Variants in OLFM3 observed in about 807,000 individuals in gnomAD.
OLFM3 encodes the protein noelin-3.
A neutral mutation model predicts 48.6 loss-of-function variants in OLFM3; 20 were observed. That is an observed-to-expected ratio of 0.41 (90% confidence interval 0.29 to 0.60). The LOEUF (loss-of-function observed/expected upper bound fraction) is 0.60, where lower values mean the gene tolerates loss of function less well. OLFM3 is among the 20% of genes least tolerant of loss of function. The pLI, the probability that OLFM3 is intolerant of heterozygous loss-of-function variation, is 0.28. For synonymous variants in OLFM3, 222 were observed against 198.1 expected (o/e 1.12, Z -1.01); for missense variants, 437 against 544.3 (o/e 0.80, Z 1.96).
intron 1 of OLFM3, among the ~76,000 whole-genome samples, chr1:101,882,305 T>C (rs907482140): frequency 6.9e-6 from 1 of 145,078 alleles, no homozygotes; most frequent in Non-Finnish European, 1.5e-5. Context: ...TTTCTACCCT[T>C]AATATAAGTG....
At chr1:101,900,001 G>A (rs1658339247) in intron 1 of OLFM3, among the ~76,000 whole-genome samples, 1 of 152,150 alleles carries the variant, frequency 6.6e-6, no homozygotes, top group Non-Finnish European at 1.5e-5. Flanking sequence ...AGGTAAGGTA[G>A]TGGAAGTTGA....
chr1:101,843,145 T>C (rs915477872), intron 1 of OLFM3, among the ~76,000 whole-genome samples: 8 of 152,212 alleles, frequency 5.3e-5, no homozygotes, highest in Admixed American at 3.9e-4. Context: ...TCTACTCATT[T>C]TATAGAACTT....
intron 1 of OLFM3, among the ~76,000 whole-genome samples, chr1:101,896,732 C>T (rs543395429): frequency 3.4e-5 from 5 of 146,330 alleles, no homozygotes; most frequent in African/African-American, 7.6e-5. Flanking sequence ...GATCTCCTGA[C>T]CTTGTGATCC....
chr1:101,820,725 C>T (rs530721768), intron 4 of OLFM3, among the ~76,000 whole-genome samples: 1 of 152,138 alleles, frequency 6.6e-6, no homozygotes, highest in East Asian at 1.9e-4. Flanking sequence ...CTAGATTTTG[C>T]AGGCAATAAG....
chr1:101,828,952 G>A (rs557281686), intron 3 of OLFM3, among the ~76,000 whole-genome samples: 2 of 152,240 alleles, frequency 1.3e-5, no homozygotes, highest in East Asian at 1.9e-4. Context: ...ATTTAATAGT[G>A]GAGGGGTAGG....
chr1:101,810,551 A>C (rs971095497), intron 4 of OLFM3, among the ~76,000 whole-genome samples: 29 of 152,112 alleles, frequency 1.9e-4, no homozygotes, highest in African/African-American at 7.0e-4. Context: ...TAATTTTATA[A>C]AGCAAAAATC....
chr1:101,906,057 C>G (rs1044970787), intron 1 of OLFM3, among the ~76,000 whole-genome samples: 3 of 152,102 alleles, frequency 2.0e-5, no homozygotes, highest in African/African-American at 7.2e-5. Context: ...CGAATGATTT[C>G]TTTTTGAGGA....
chr1:101,974,122 CT>C (rs1660884904), intron 1 of OLFM3, among the ~76,000 whole-genome samples: 1 of 149,088 alleles, frequency 6.7e-6, no homozygotes, highest in Admixed American at 6.7e-5. Flanking sequence ...GTAGATAACA[CT>C]AACAAAAAAT....
intron 1 of OLFM3, among the ~76,000 whole-genome samples, chr1:101,877,243 A>T (rs935789393): frequency 7.9e-5 from 12 of 151,998 alleles, no homozygotes; most frequent in African/African-American, 2.9e-4. Context: ...CTGTTCATTT[A>T]TGATAAAGCT....
chr1:101,942,038 C>T (rs911716362), intron 1 of OLFM3, among the ~76,000 whole-genome samples: 1 of 152,120 alleles, frequency 6.6e-6, no homozygotes, highest in African/African-American at 2.4e-5. Context: ...TATGAAAACA[C>T]ACCCTAGGAC....
chr1:101,944,834 T>A (rs10157955), intron 1 of OLFM3, among the ~76,000 whole-genome samples: 60,600 of 150,624 alleles, frequency 0.4, 12,412 homozygotes, highest in East Asian at 0.51. Context: ...GAGCCAAGAT[T>A]GCCCCACTGC....
At chr1:101,840,501 C>T (rs193181029) in intron 1 of OLFM3, among the ~76,000 whole-genome samples, 24 of 146,408 alleles carry the variant, frequency 1.6e-4, no homozygotes, top group Admixed American at 4.1e-4. Flanking sequence ...GACAGGTTCT[C>T]GCTCTGTTGT....
chr1:101,921,943 C>A (rs1045718356), intron 1 of OLFM3, among the ~76,000 whole-genome samples: 13 of 152,028 alleles, frequency 8.6e-5, no homozygotes, highest in African/African-American at 2.7e-4. Context: ...CCTGTAGTCC[C>A]AGCTACTCGG....
chr1:101,956,355 G>A (rs72731649), intron 1 of OLFM3, among the ~76,000 whole-genome samples: 2,467 of 151,500 alleles, frequency 0.016, 20 homozygotes, highest in Non-Finnish European at 0.025. Flanking sequence ...ATTCCCACCC[G>A]TCATCATTTG....
intron 1 of OLFM3, 86 bp from the exon 2 acceptor site, chr1:101,837,111 C>CT (rs35344524): frequency 2.3e-6 from 3 of 1,331,174 alleles, no homozygotes; most frequent in Admixed American, 5.0e-5. Flanking sequence ...AAGTAAAACA[C>CT]TTTTTTGATA....
chr1:101,976,742 A>G (rs1345985640), intron 1 of OLFM3, among the ~76,000 whole-genome samples: 1 of 152,206 alleles, frequency 6.6e-6, no homozygotes, highest in Non-Finnish European at 1.5e-5. Flanking sequence ...TTAACCACTT[A>G]TGGTATATTC....
At chr1:101,993,327 C>G (rs560411515) in intron 1 of OLFM3, among the ~76,000 whole-genome samples, 68 of 152,270 alleles carry the variant, frequency 4.5e-4, no homozygotes, top group African/African-American at 1.5e-3. Context: ...AAGAAGTCCA[C>G]TCTTCTACCA....
chr1:101,838,686 G>T (rs1183518521), intron 1 of OLFM3, among the ~76,000 whole-genome samples: 1 of 151,948 alleles, frequency 6.6e-6, no homozygotes, highest in East Asian at 1.9e-4. Context: ...CGCCATGCTG[G>T]CCAGGCTGGT....
chr1:101,978,348 C>T (rs773142692), intron 1 of OLFM3, among the ~76,000 whole-genome samples: 6 of 151,824 alleles, frequency 4.0e-5, no homozygotes, highest in South Asian at 2.1e-4. Flanking sequence ...AAGGTATGAG[C>T]GTTCTTAGAG....
Sources: allele counts gnomAD v4.1 joint callset (sites outside exome capture counted in the v4.1 genomes callset), GRCh38; gene constraint gnomAD v4.1.1; transcripts MANE v1.5; gene names NCBI Gene and HGNC (gene_info 2026-07-23, HGNC 2026-07-21).